The following TXNRD2 variants were observed in gnomAD, a reference collection of about 807,000 sequenced individuals.
The protein encoded by TXNRD2 is thioredoxin reductase 2, also known as thioredoxin reductase 2, mitochondrial.
In TXNRD2, 67 loss-of-function variants were observed where a neutral mutation model predicts 70.8. The observed-to-expected ratio is 0.95, with a 90% CI of 0.78 to 1.16. TXNRD2 has a LOEUF of 1.16. Ranked by LOEUF, TXNRD2 falls within the 50% of genes most tolerant of loss-of-function variation. TXNRD2 has a pLI of 0.00. For missense variants in TXNRD2, 644 were observed against 719.9 expected (o/e 0.89, Z 1.21); for synonymous variants, 301 against 295.8 (o/e 1.02, Z -0.18).
chr22:19,930,853 C>T (rs180871822), intron 2 of TXNRD2, among the ~76,000 whole-genome samples, 177 bp downstream of exon 2: 1 of 152,284 alleles, frequency 6.6e-6, no homozygotes, highest in East Asian at 1.9e-4. Context: ...ACGGCGGCCG[C>T]TGGGTACAGC....
At chr22:19,931,290 T>G (rs1297285538) in intron 1 of TXNRD2, among the ~76,000 whole-genome samples, 192 bp from the exon 2 acceptor site, 1 of 151,862 alleles carries the variant, frequency 6.6e-6, no homozygotes, top group Admixed American at 6.6e-5. Flanking sequence ...GGTGGTGAGG[T>G]TGGCCGTGGG....
intron 11 of TXNRD2, chr22:19,891,817 A>G (rs1357376984): frequency 6.6e-6 from 1 of 152,268 alleles, no homozygotes; most frequent in East Asian, 1.9e-4. Flanking sequence ...CTGCACAGCA[A>G]TTAACTGCTT....
At chr22:19,916,015 T>A (rs1940623146) in intron 5 of TXNRD2, 172 bp from the exon 6 acceptor site, 2 of 639,392 alleles carry the variant, frequency 3.1e-6, no homozygotes, top group African/African-American at 1.8e-5. Context: ...ATGGAGGGGA[T>A]GTGGGGGCAC....
At chr22:19,921,709 G>A (rs2146058719) in intron 2 of TXNRD2, among the ~76,000 whole-genome samples, 1 of 152,292 alleles carries the variant, frequency 6.6e-6, no homozygotes, top group African/African-American at 2.4e-5. Context: ...GCAGCCAGAG[G>A]TCATGCACAG....
rs115064627 is a variant in TXNRD2, at chr22:19,928,274, C to T, written c.172+2756G>A. Among the ~76,000 whole-genome samples, 1,087 of 152,316 alleles carry T rather than the reference C, an allele frequency of 7.1e-3. 13 individuals are homozygous for T. The highest frequency in any genetic ancestry group is 0.025 in the African/African-American group (1,026 of 41,570). ...ATATCCACACAAACACACAGACAGA[C>T]GTTCACAGCAATACTGTCCACAATG... On this transcript the variant is annotated intron_variant, in intron 2 of 17. Coordinates refer to ENST00000400521, the MANE Select transcript of TXNRD2 (RefSeq NM_006440.5).
intron 11 of TXNRD2, among the ~76,000 whole-genome samples, chr22:19,888,329 G>A (rs371789499): frequency 2.6e-5 from 4 of 152,324 alleles, no homozygotes; most frequent in African/African-American, 9.6e-5. Context: ...GCCCCAAGGA[G>A]GGACCAGAGA....
intron 8 of TXNRD2, among the ~76,000 whole-genome samples, chr22:19,907,222 G>A (rs1388351486): frequency 4.1e-4 from 29 of 71,568 alleles, no homozygotes; most frequent in Admixed American, 5.8e-4. Flanking sequence ...TGGGCGCCGT[G>A]AGTAGCAGTG....
chr22:19,887,274 T>C (rs1406227880), intron 11 of TXNRD2: 1 of 152,210 alleles, frequency 6.6e-6, no homozygotes, highest in African/African-American at 2.4e-5. Flanking sequence ...CTTCAGGCTG[T>C]ATTCATGAGC....
At chr22:19,906,862 G>A (rs35879508) in intron 8 of TXNRD2, among the ~76,000 whole-genome samples, 61 of 121,918 alleles carry the variant, frequency 5.0e-4, no homozygotes, top group South Asian at 2.6e-3. Flanking sequence ...GAGTGTGGGC[G>A]CCGTGGGTAG....
chr22:19,892,957 G>T (rs1939332640), intron 11 of TXNRD2, among the ~76,000 whole-genome samples: 1 of 152,192 alleles, frequency 6.6e-6, no homozygotes, highest in South Asian at 2.1e-4. Flanking sequence ...TGCTCTTGCT[G>T]ACTGATCACC....
rs1397000339 is a variant in TXNRD2 at position 19,915,108 on chromosome 22, GGT to G, written c.591+104_591+105del. 3.0e-6 allele frequency: 3 copies of G among 987,688 alleles called. No individual in the cohort carries two copies. In the African/African-American group the frequency reaches 4.8e-5, roughly 16 times the overall value. 61.2% of individuals were successfully genotyped at this position (987,688 alleles called of 1,614,324 possible). A position where few individuals can be genotyped will look rare whatever the true frequency, so the allele number is the denominator to read the frequency against. On this transcript the variant is annotated intron_variant, in intron 7 of 17. Coordinates refer to ENST00000400521, the MANE Select transcript of TXNRD2 (RefSeq NM_006440.5). ...GATGATAGTGAGTATAGGGGGAAAG[GGT>G]GTGCAAGCTGCTGCTGTGGGAAGCA...
At chr22:19,877,648 C>T (rs1938570131) in intron 16 of TXNRD2, among the ~76,000 whole-genome samples, 1 of 152,226 alleles carries the variant, frequency 6.6e-6, no homozygotes, top group Non-Finnish European at 1.5e-5. Context: ...TCCAACTACC[C>T]CTGTCAACCC....
intron 6 of TXNRD2, 83 bp downstream of exon 6, chr22:19,915,682 C>T (rs903252975): frequency 1.5e-6 from 2 of 1,311,918 alleles, no homozygotes; most frequent in Non-Finnish European, 2.2e-6. Context: ...AAGAACAGCA[C>T]CCAGGCCAAA....
intron 1 of TXNRD2, among the ~76,000 whole-genome samples, chr22:19,932,034 G>A (rs1383437782): frequency 2.0e-5 from 3 of 151,536 alleles, no homozygotes; most frequent in East Asian, 1.9e-4. Flanking sequence ...GGTGGTGGGC[G>A]CCTGTAGTCC....
In TXNRD2 at chr22:19,918,216, T is replaced by C; in HGVS notation, c.376A>G (p.Arg126Gly). Residue 126 changes from arginine to glycine, a missense_variant and splice_region_variant, in exon 5 of 18, where the codon AGG becomes GGG. Transcript: ENST00000400521. ...EVAQPVPHDWRKMAEAVQNHV... is the reference protein window; with the variant it reads ...EVAQPVPHDWGKMAEAVQNHV... ...TTTTGAACAGCTTCTGCCATCTTCC[T>C]CCTGTGAAGATACGAAACAAAATGT... 6.2e-7 allele frequency: 1 copy of C among 1,614,038 alleles called. No individual in the cohort carries two copies. Among genetic ancestry groups the C allele is most frequent in the Non-Finnish European group, 8.5e-7 (1 of 1,179,920 alleles).
chr22:19,878,292 C>T (rs1033522569), intron 15 of TXNRD2, 74 bp downstream of exon 15: 25 of 1,598,374 alleles, frequency 1.6e-5, no homozygotes, highest in East Asian at 6.7e-5. Context: ...GGCCAGTCCT[C>T]GGGTGTTCAC....
chr22:19,908,935 T>C (rs965766320), intron 8 of TXNRD2, among the ~76,000 whole-genome samples: 24 of 152,324 alleles, frequency 1.6e-4, no homozygotes, highest in African/African-American at 5.3e-4. Flanking sequence ...CTGGGCGTGG[T>C]GGCTCACCCC....
intron 12 of TXNRD2, among the ~76,000 whole-genome samples, chr22:19,882,502 G>T: frequency 6.6e-6 from 1 of 152,126 alleles, no homozygotes. Context: ...CCCAGCCCCA[G>T]CTGACACTTT....
At chr22:19,907,874 G>T (rs1940134488) in intron 8 of TXNRD2, among the ~76,000 whole-genome samples, 1 of 48,862 alleles carries the variant, frequency 2.0e-5, no homozygotes, top group Non-Finnish European at 4.0e-5. Context: ...CCGCTCTCAG[G>T]AGAGTGTGGG....
Sources: gnomAD v4.1 joint callset for allele counts (sites outside exome capture counted in the v4.1 genomes callset) on GRCh38, gnomAD v4.1.1 for gene constraint, MANE v1.5 for transcripts, NCBI Gene and HGNC (gene_info 2026-07-23, HGNC 2026-07-21) for gene names.